ENAH: variants seen among roughly 807,000 people sequenced by gnomAD.
ENAH encodes protein enabled homolog.
Under a neutral mutation model 78.7 loss-of-function variants are expected in ENAH, and 23 were observed. The ratio of observed to expected loss-of-function variants is 0.29; its 90% confidence interval spans 0.21 to 0.41. The LOEUF is 0.41. Ranked by LOEUF, ENAH falls within the 10% of genes least tolerant of loss-of-function variation. The pLI is 1.00. For synonymous variants in ENAH, 226 were observed against 241.0 expected, an observed-to-expected ratio of 0.94 and a Z score of 0.58; for missense variants, 544 against 691.0, an observed-to-expected ratio of 0.79 and a Z score of 2.39.
intron 1 of ENAH, among the ~76,000 whole-genome samples, chr1:225,651,172 C>A (rs557561016): frequency 1.3e-5 from 2 of 152,024 alleles, no homozygotes; most frequent in South Asian, 4.1e-4. Flanking sequence ...TATTTAAACT[C>A]ATCGCTTATA....
Position 225,511,763 on chromosome 1 carries a change from A to G in ENAH, c.1471+48T>C, listed in dbSNP as rs767473278. 9 of 1,361,986 alleles carry G rather than the reference A, an allele frequency of 6.6e-6. No individual in the cohort carries two copies. The Admixed American group carries it at 1.5e-4, about 23-fold the overall frequency. The allele number at this position is 1,361,986 out of a possible 1,614,324, so 84.4% of individuals were successfully genotyped here. ...GGGAATTTTTAACTGGGGAGTATTA[A>G]TATTTAGAGAAAGTTTATAAAGGTT... is the stretch of plus-strand genomic sequence containing the variant. On this transcript the variant is annotated intron_variant, in intron 10 of 13. Transcript: ENST00000366843.
intron 3 of ENAH, among the ~76,000 whole-genome samples, chr1:225,551,134 T>C (rs2096638838): frequency 6.6e-6 from 1 of 152,190 alleles, no homozygotes; most frequent in African/African-American, 2.4e-5. Context: ...AAAAATACAC[T>C]GTAGCATTTG....
chr1:225,533,851 T>G (rs1381541844), intron 3 of ENAH, among the ~76,000 whole-genome samples: 1 of 152,138 alleles, frequency 6.6e-6, no homozygotes, highest in Non-Finnish European at 1.5e-5. Flanking sequence ...CACAGACTAT[T>G]TAAAAACACA....
rs920549348 is a variant in ENAH at position 225,490,178 on chromosome 1, G to C, written c.*7597C>G. ...ACACAAAAAAGGACAGACTGAGAGA[G>C]ACTGAGGGCGGGAGGAACACAGAGA... On this transcript the variant is annotated 3_prime_UTR_variant, in exon 14 of 14. Coordinates refer to ENST00000366843, the MANE Select transcript of ENAH (RefSeq NM_018212.6). 4 of 152,196 alleles carry C rather than the reference G, an allele frequency of 2.6e-5. No individual in the cohort carries two copies. The highest frequency in any genetic ancestry group is 1.3e-4 in the Admixed American group (2 of 15,264). 9.4% of individuals were successfully genotyped at this position (152,196 alleles called of 1,614,324 possible). A position where few individuals can be genotyped will look rare whatever the true frequency, so the allele number is the denominator to read the frequency against.
chr1:225,590,051 T>C (rs1051996783), intron 1 of ENAH, among the ~76,000 whole-genome samples: 12 of 150,580 alleles, frequency 8.0e-5, no homozygotes, highest in Admixed American at 4.0e-4. Flanking sequence ...TGGTAGATGC[T>C]GTGGTGACTA....
rs74149851 is a variant in ENAH at position 225,574,247 on chromosome 1, G to A, written c.6-6833C>T. On this transcript the variant is annotated intron_variant, in intron 1 of 13. Coordinates refer to ENST00000366843, the MANE Select transcript of ENAH (RefSeq NM_018212.6). ...GTTTCAACTCGATTCCACAAATATT[G>A]TTCACATTTATAACACAGGTCCTGG... is the stretch of plus-strand genomic sequence containing the variant. 1.0e-2 allele frequency among the ~76,000 whole-genome samples: 1,515 copies of A among 152,158 alleles called. 27 individuals are homozygous for A. Among genetic ancestry groups the A allele is most frequent in the African/African-American group, 0.035 (1,441 of 41,508 alleles).
chr1:225,614,973 TTCTCCC>T (rs1029932534), intron 1 of ENAH, among the ~76,000 whole-genome samples: 2 of 151,866 alleles, frequency 1.3e-5, no homozygotes, highest in African/African-American at 4.8e-5. Context: ...AGTAATACTT[TTCTCCC>T]TCTCCCTCTC....
chr1:225,571,665 G>GC (rs1238679018), intron 1 of ENAH, among the ~76,000 whole-genome samples: 11 of 152,124 alleles, frequency 7.2e-5, no homozygotes, highest in Non-Finnish European at 1.0e-4. Flanking sequence ...CCTCATTACT[G>GC]CCCCCCGCCA....
intron 5 of ENAH, chr1:225,517,625 G>A (rs1474950117): frequency 1.9e-6 from 3 of 1,550,974 alleles, no homozygotes; most frequent in African/African-American, 2.7e-5. Context: ...GATGGAGGGA[G>A]GGGCGAAAAA....
At chr1:225,509,530 G>C (rs1452037187) in intron 10 of ENAH, among the ~76,000 whole-genome samples, 2 of 152,132 alleles carry the variant, frequency 1.3e-5, no homozygotes, top group African/African-American at 4.8e-5. Flanking sequence ...GGGCAAGGCT[G>C]GGTTCCCTTC....
chr1:225,585,935 T>G (rs1176055147), intron 1 of ENAH, among the ~76,000 whole-genome samples: 2 of 152,098 alleles, frequency 1.3e-5, no homozygotes, highest in African/African-American at 4.8e-5. Flanking sequence ...TAGAAAAGAA[T>G]GGGCATGGCG....
chr1:225,546,748 C>A (rs1393593812), intron 3 of ENAH, among the ~76,000 whole-genome samples: 1 of 152,114 alleles, frequency 6.6e-6, no homozygotes, highest in Non-Finnish European at 1.5e-5. Flanking sequence ...GTAATTAACC[C>A]CCTTGAACTC....
At chr1:225,502,618 A>G (rs1330122313) in intron 11 of ENAH, among the ~76,000 whole-genome samples, 7 of 152,232 alleles carry the variant, frequency 4.6e-5, no homozygotes, top group Non-Finnish European at 1.0e-4. Flanking sequence ...GGGGAAAAAT[A>G]ACTTCCAGAA....
intron 1 of ENAH, chr1:225,580,202 T>C (rs535136566): frequency 6.6e-6 from 1 of 152,074 alleles, no homozygotes; most frequent in East Asian, 1.9e-4. Context: ...AAAATACATA[T>C]ATATATATAT....
chr1:225,594,141 G>T (rs1394669545), intron 1 of ENAH, among the ~76,000 whole-genome samples: 1 of 150,150 alleles, frequency 6.7e-6, no homozygotes, highest in Non-Finnish European at 1.5e-5. Flanking sequence ...TGCTTCTCTG[G>T]AACACTGCTA....
At chr1:225,569,697 T>C (rs1048138282) in intron 1 of ENAH, among the ~76,000 whole-genome samples, 4 of 152,006 alleles carry the variant, frequency 2.6e-5, no homozygotes, top group African/African-American at 9.7e-5. Context: ...AAGTCAAAAA[T>C]GCAAAAAATT....
At chr1:225,563,642 T>C (rs149412135) in intron 2 of ENAH, among the ~76,000 whole-genome samples, 74 of 152,286 alleles carry the variant, frequency 4.9e-4, no homozygotes, top group African/African-American at 1.8e-3. Flanking sequence ...AAGAAGTGCT[T>C]TTGTTTTGTT....
Position 225,519,197 on chromosome 1 carries a change from C to A in ENAH, c.802+1G>T. On this transcript the variant is annotated splice_donor_variant, in intron 5 of 13. Transcript: ENST00000366843. LOFTEE classifies it high-confidence loss of function. ...CACAGAAGAGTTTGTAAACTTCTTA[C>A]CAGCACTTGATATTCTGCGCTCTCT... is the stretch of plus-strand genomic sequence containing the variant. 6.2e-7 allele frequency: 1 copy of A among 1,613,090 alleles called. No homozygotes were observed.
At position 225,514,608 on chromosome 1, in the gene ENAH, C is replaced by A; in HGVS notation, c.1206G>T (p.Arg402Ser). Residue 402 changes from arginine to serine, a missense_variant, in exon 7 of 14, where the codon AGG (arginine) becomes AGT (serine). Physicochemically the swap from Arg to Ser is moderately radical, Grantham distance 110 (BLOSUM62 -1). Around this residue, in one of 4 missense-constraint regions of ENAH, gnomAD observed 366 missense variants for 396.1 expected, o/e 0.92. Transcript: ENST00000366843. ...GAAAGGTATTTACCCGTGACACTTT[C>A]CTAAGTTTTGCTCCGGCAATTGCAG... Reference protein sequence around the residue: ...LAAAIAGAKLRKVSRMEDTSF... With the variant: ...LAAAIAGAKLSKVSRMEDTSF... 1 of 1,611,898 alleles carries A rather than the reference C, an allele frequency of 6.2e-7. No homozygotes were observed. Among genetic ancestry groups the A allele is most frequent in the Non-Finnish European group, 8.5e-7 (1 of 1,179,774 alleles).
Sources: allele counts gnomAD v4.1 joint callset (sites outside exome capture counted in the v4.1 genomes callset), GRCh38; gene constraint gnomAD v4.1.1; regional missense constraint gnomAD v4.1.1; transcripts MANE v1.5; gene names NCBI Gene and HGNC (gene_info 2026-07-23, HGNC 2026-07-21).